NAV3: variants seen among roughly 807,000 people sequenced by gnomAD.
The protein encoded by NAV3 is neuron navigator 3.
NAV3 carries 87 observed loss-of-function variants against 244.7 expected under a neutral mutation model. The observed-to-expected ratio is 0.36, with a 90% CI of 0.30 to 0.42. NAV3 has a LOEUF of 0.42. NAV3 is among the 20% of genes least tolerant of loss of function. NAV3 has a pLI of 1.00. For synonymous variants in NAV3, 1,126 were observed against 1,042.2 expected (o/e 1.08, Z -1.55); for missense variants, 2,663 against 2,893.3 (o/e 0.92, Z 1.83).
At chr12:77,647,679 T>C (rs1872661777) in intron 2 of NAV3, among the ~76,000 whole-genome samples, 1 of 152,146 alleles carries the variant, frequency 6.6e-6, no homozygotes, top group African/African-American at 2.4e-5. Context: ...ATTTTACAGT[T>C]AGTACTGTTG....
chr12:78,122,931 A>G (rs868519789), intron 16 of NAV3, among the ~76,000 whole-genome samples: 38 of 150,250 alleles, frequency 2.5e-4, no homozygotes, highest in Admixed American at 6.7e-4. Flanking sequence ...AAAAAAATCA[A>G]TTGTCAGCCA....
At chr12:77,853,297 T>A (rs1218043286) in intron 1 of NAV3, among the ~76,000 whole-genome samples, 1 of 152,212 alleles carries the variant, frequency 6.6e-6, no homozygotes, top group African/African-American at 2.4e-5. Context: ...TTCATTCAGG[T>A]TTTCTGCTTA....
At chr12:77,903,290 A>G (rs1278448739) in intron 1 of NAV3, among the ~76,000 whole-genome samples, 1 of 152,188 alleles carries the variant, frequency 6.6e-6, no homozygotes, top group Non-Finnish European at 1.5e-5. Context: ...TAGTACAAAA[A>G]CAGAGATATA....
rs145276002 is a variant in NAV3 at position 78,048,472 on chromosome 12, C to G, written c.2024-1521C>G. On this transcript the variant is annotated intron_variant, in intron 9 of 39. Coordinates refer to ENST00000397909, the MANE Select transcript of NAV3 (RefSeq NM_001024383.2). ...TTAGTTTTCCTTTTAACAGTCAGGC[C>G]CCTCTGCTGCAGGTCTTCTGGAGTT... Among the ~76,000 whole-genome samples the G allele has an allele frequency of 4.2e-3, 636 of 152,250 alleles. 2 individuals are homozygous for G. Among genetic ancestry groups the G allele is most frequent in the Non-Finnish European group, 7.2e-3 (493 of 68,028 alleles).
chr12:77,999,480 A>G (rs1285732083), intron 7 of NAV3, among the ~76,000 whole-genome samples: 1 of 152,204 alleles, frequency 6.6e-6, no homozygotes, highest in African/African-American at 2.4e-5. Flanking sequence ...AAATGATTAG[A>G]CAACTTCCTC....
intron 2 of NAV3, among the ~76,000 whole-genome samples, chr12:77,755,457 T>C (rs1869089335): frequency 6.6e-6 from 1 of 151,754 alleles, no homozygotes; most frequent in African/African-American, 2.4e-5. Context: ...TTCTTTTCTT[T>C]TTTCTTTTCC....
chr12:77,776,887 A>T (rs1030145153), intron 2 of NAV3, among the ~76,000 whole-genome samples: 10 of 152,190 alleles, frequency 6.6e-5, no homozygotes, highest in African/African-American at 2.2e-4. Flanking sequence ...AGGCTGTAAC[A>T]TCTTTATCTA....
chr12:77,843,462 A>G (rs566651839), intron 1 of NAV3, among the ~76,000 whole-genome samples: 1 of 151,794 alleles, frequency 6.6e-6, no homozygotes, highest in East Asian at 1.9e-4. Context: ...ATATACTTAG[A>G]AAAACAGATT....
At chr12:77,902,570 T>C (rs1222598232) in intron 1 of NAV3, among the ~76,000 whole-genome samples, 1 of 152,152 alleles carries the variant, frequency 6.6e-6, no homozygotes, top group Non-Finnish European at 1.5e-5. Flanking sequence ...GCATTCCCTT[T>C]GAAAACTGGC....
chr12:77,671,105 T>A (rs1161690325), intron 2 of NAV3, among the ~76,000 whole-genome samples: 1 of 152,026 alleles, frequency 6.6e-6, no homozygotes, highest in African/African-American at 2.4e-5. Context: ...GGATACAAAA[T>A]TCATGTATAC....
At chr12:78,021,455 T>C (rs1177442194) in intron 8 of NAV3, among the ~76,000 whole-genome samples, 3 of 152,104 alleles carry the variant, frequency 2.0e-5, no homozygotes, top group East Asian at 3.8e-4. Flanking sequence ...GCAAAAGAAG[T>C]TGGATCTTTT....
intron 9 of NAV3, among the ~76,000 whole-genome samples, chr12:78,029,704 T>C (rs1878657615): frequency 6.6e-6 from 1 of 152,222 alleles, no homozygotes; most frequent in South Asian, 2.1e-4. Context: ...TGTGGTTGTT[T>C]GTGGTTGCTG....
intron 2 of NAV3, among the ~76,000 whole-genome samples, chr12:77,784,187 T>C (rs1023365577): frequency 4.6e-5 from 7 of 152,170 alleles, no homozygotes; most frequent in African/African-American, 1.7e-4. Flanking sequence ...GATCATGCTA[T>C]AGAGGACAGA....
chr12:77,768,400 G>A (rs866269678), intron 2 of NAV3, among the ~76,000 whole-genome samples: 7 of 152,188 alleles, frequency 4.6e-5, no homozygotes, highest in South Asian at 2.1e-4. Flanking sequence ...GGCTGTTTGT[G>A]CCAGAGGATG....
intron 2 of NAV3, among the ~76,000 whole-genome samples, chr12:77,672,552 G>A (rs1160612293): frequency 1.3e-4 from 20 of 151,358 alleles, no homozygotes; most frequent in Admixed American, 1.3e-3. Flanking sequence ...GTGTGTGTAT[G>A]TGTGTGTGTG....
intron 2 of NAV3, among the ~76,000 whole-genome samples, chr12:77,664,484 T>C (rs1304015405): frequency 6.6e-6 from 1 of 152,212 alleles, no homozygotes; most frequent in Non-Finnish European, 1.5e-5. Context: ...CTTGTAATTA[T>C]GTTAAAGTAG....
In NAV3 at chr12:77,750,567, G is replaced by A. The variant is rs138926420; in HGVS notation, c.72+178301G>A. Among the ~76,000 whole-genome samples, 103 of 151,730 alleles carry A rather than the reference G, an allele frequency of 6.8e-4. 1 individual carries two copies. In the East Asian group the frequency reaches 0.018, roughly 26 times the overall value. ...CTAAAAAAAAAAAAGTAAAAAGAAA[G>A]AAATATGAAAGATAACCCTGGGTAA... On this transcript the variant is annotated intron_variant, in intron 2 of 8. Coordinates refer to the NAV3 transcript ENST00000550042.
intron 2 of NAV3, among the ~76,000 whole-genome samples, chr12:77,622,236 T>G (rs553242834): frequency 1.3e-5 from 2 of 152,224 alleles, no homozygotes; most frequent in South Asian, 4.1e-4. Context: ...CTCGGCTCAC[T>G]GCAAGCTCCG....
intron 12 of NAV3, among the ~76,000 whole-genome samples, chr12:78,099,547 AAAAAGATACC>A (rs1954433554): frequency 2.0e-5 from 3 of 152,028 alleles, no homozygotes; most frequent in South Asian, 4.1e-4. Context: ...TATAAGATGG[AAAAAGATACC>A]AAATGGTCTT....
Sources: gnomAD v4.1 joint callset for allele counts (sites outside exome capture counted in the v4.1 genomes callset) on GRCh38, gnomAD v4.1.1 for gene constraint, MANE v1.5 for transcripts, NCBI Gene and HGNC (gene_info 2026-07-23, HGNC 2026-07-21) for gene names.